The following PRKG1 variants were observed in gnomAD, a reference collection of about 807,000 sequenced individuals.
PRKG1 encodes protein kinase cGMP-dependent 1.
A neutral mutation model predicts 88.1 loss-of-function variants in PRKG1; 35 were observed. The ratio of observed to expected loss-of-function variants is 0.40; its 90% CI spans 0.30 to 0.53. The LOEUF (loss-of-function observed/expected upper bound fraction) is 0.53, where lower values mean the gene tolerates loss of function less well. Ranked by LOEUF, PRKG1 falls within the 20% of genes least tolerant of loss-of-function variation. The probability of loss-of-function intolerance (pLI) is 0.59; values close to 1 mark genes in which losing one functional copy is unlikely to be tolerated. For missense variants in PRKG1, 540 were observed against 839.8 expected (o/e 0.64, Z 4.41); for synonymous variants, 303 against 292.5 (o/e 1.04, Z -0.37).
At position 51,971,488 on chromosome 10, in the gene PRKG1, G is replaced by A. The variant is rs185720086; in HGVS notation, c.762+63918G>A. Among the ~76,000 whole-genome samples, 710 of 152,078 alleles carry A rather than the reference G, an allele frequency of 4.7e-3. 5 individuals carry two copies. The highest frequency in any genetic ancestry group is 0.015 in the African/African-American group (643 of 41,524). The stretch of plus-strand genomic sequence containing the variant: ...TAGAAAATCGATTTGAAGTAATAAA[G>A]CTTTGAATTCAGGCAGTTTCTCTTT... On this transcript the variant is annotated intron_variant, in intron 5 of 17. Coordinates refer to ENST00000373980, the MANE Select transcript of PRKG1 (RefSeq NM_006258.4).
chr10:51,966,434 T>A (rs186789499), intron 5 of PRKG1, among the ~76,000 whole-genome samples: 1 of 152,342 alleles, frequency 6.6e-6, no homozygotes, highest in Admixed American at 6.5e-5. Context: ...ACATGCTTTT[T>A]CTTTTTCCAT....
At chr10:51,286,444 A>G (rs1840443981) in intron 2 of PRKG1, among the ~76,000 whole-genome samples, 1 of 151,942 alleles carries the variant, frequency 6.6e-6, no homozygotes, top group Admixed American at 6.6e-5. Context: ...TATAACATTT[A>G]TTTCTTGCAC....
intron 4 of PRKG1, among the ~76,000 whole-genome samples, chr10:51,837,697 C>T (rs1160812478): frequency 6.6e-6 from 1 of 152,132 alleles, no homozygotes; most frequent in African/African-American, 2.4e-5. Flanking sequence ...ATTTACCACA[C>T]TGTCCGGATG....
chr10:51,032,549 A>G (rs558702199), intron 1 of PRKG1, among the ~76,000 whole-genome samples: 1 of 152,272 alleles, frequency 6.6e-6, no homozygotes, highest in Non-Finnish European at 1.5e-5. Flanking sequence ...ACTTAAAGTC[A>G]GGAGTTCGAG....
chr10:51,134,345 T>C (rs1845640172), intron 1 of PRKG1, among the ~76,000 whole-genome samples: 1 of 152,204 alleles, frequency 6.6e-6, no homozygotes, highest in South Asian at 2.1e-4. Context: ...CAATTAACTC[T>C]GCTTTCATTA....
chr10:51,632,090 G>A (rs558624098), intron 3 of PRKG1, among the ~76,000 whole-genome samples: 3 of 49,652 alleles, frequency 6.0e-5, no homozygotes, highest in South Asian at 1.3e-3. Context: ...GAAACATTAT[G>A]AGATTTTTTT....
chr10:51,343,871 A>G (rs1419628991), intron 2 of PRKG1, among the ~76,000 whole-genome samples: 1 of 152,170 alleles, frequency 6.6e-6, no homozygotes, highest in African/African-American at 2.4e-5. Context: ...ATGTAGCTAA[A>G]AGCTCTTTCT....
chr10:52,149,847 T>C (rs1384117199), intron 8 of PRKG1, among the ~76,000 whole-genome samples: 4 of 150,756 alleles, frequency 2.7e-5, no homozygotes, highest in Non-Finnish European at 3.0e-5. Flanking sequence ...ATAAAAATTA[T>C]TTATCTTAAG....
At chr10:52,198,985 C>T (rs955401038) in intron 9 of PRKG1, among the ~76,000 whole-genome samples, 1 of 152,050 alleles carries the variant, frequency 6.6e-6, no homozygotes, top group Non-Finnish European at 1.5e-5. Context: ...GTTAGCACTG[C>T]GTATCATGGC....
intron 5 of PRKG1, among the ~76,000 whole-genome samples, chr10:51,924,968 TA>T (rs1373676547): frequency 7.2e-4 from 109 of 151,722 alleles, no homozygotes; most frequent in African/African-American, 2.4e-3. Context: ...TTTTTTTCAT[TA>T]GAACTCTTAA....
At chr10:51,531,985 C>T (rs1207740861) in intron 3 of PRKG1, among the ~76,000 whole-genome samples, 2 of 152,126 alleles carry the variant, frequency 1.3e-5, no homozygotes, top group South Asian at 4.1e-4. Context: ...CACTCGATTT[C>T]TGCTAGTCCC....
intron 7 of PRKG1, among the ~76,000 whole-genome samples, chr10:52,128,982 C>T (rs1206327567): frequency 2.0e-5 from 3 of 152,128 alleles, no homozygotes; most frequent in Non-Finnish European, 4.4e-5. Flanking sequence ...ATAAATTGAA[C>T]ATTATAACCC....
chr10:51,072,571 C>T (rs149779124), upstream of PRKG1, among the ~76,000 whole-genome samples: 12 of 152,116 alleles, frequency 7.9e-5, no homozygotes, highest in East Asian at 2.3e-3. Context: ...TTGTAAGTTG[C>T]TCATTTCTTC....
At chr10:51,725,592 G>A (rs1209896720) in intron 3 of PRKG1, among the ~76,000 whole-genome samples, 1 of 151,674 alleles carries the variant, frequency 6.6e-6, no homozygotes, top group Non-Finnish European at 1.5e-5. Context: ...TTATGTTGGT[G>A]GATATGGAAT....
At chr10:51,455,638 T>A (rs1374387112) in intron 2 of PRKG1, among the ~76,000 whole-genome samples, 1 of 152,210 alleles carries the variant, frequency 6.6e-6, no homozygotes, top group Admixed American at 6.5e-5. Flanking sequence ...CACCAATCTC[T>A]TTGCTAAAAC....
At chr10:51,715,081 G>A (rs1296538616) in intron 3 of PRKG1, among the ~76,000 whole-genome samples, 1 of 152,074 alleles carries the variant, frequency 6.6e-6, no homozygotes, top group African/African-American at 2.4e-5. Context: ...TTTCTCAAAG[G>A]ATATCTAAGA....
At chr10:51,018,325 T>C (rs1843095026) in intron 1 of PRKG1, among the ~76,000 whole-genome samples, 1 of 152,170 alleles carries the variant, frequency 6.6e-6, no homozygotes, top group African/African-American at 2.4e-5. Context: ...ACACAATGTC[T>C]AGGTAATTTT....
At chr10:51,172,393 T>C (rs1403611377) in intron 2 of PRKG1, among the ~76,000 whole-genome samples, 1 of 152,054 alleles carries the variant, frequency 6.6e-6, no homozygotes, top group Non-Finnish European at 1.5e-5. Context: ...AATTTAATAA[T>C]AAAACAAATT....
chr10:52,288,468 G>C (rs144602610), intron 14 of PRKG1, among the ~76,000 whole-genome samples: 1 of 152,126 alleles, frequency 6.6e-6, no homozygotes, highest in Non-Finnish European at 1.5e-5. Context: ...ACCAAGGACA[G>C]CATGAGGGCT....
Sources: gnomAD v4.1 joint callset for allele counts (sites outside exome capture counted in the v4.1 genomes callset) on GRCh38, gnomAD v4.1.1 for gene constraint, MANE v1.5 for transcripts, NCBI Gene and HGNC (gene_info 2026-07-23, HGNC 2026-07-21) for gene names.